The following XYLT1 variants were observed in gnomAD, a reference collection of about 807,000 sequenced individuals.
The protein encoded by XYLT1 is beta-D-xylosyltransferase 1.
Under a neutral mutation model 91.3 loss-of-function variants are expected in XYLT1, and 36 were observed. That is an observed-to-expected ratio of 0.39 (90% CI 0.30 to 0.52). The LOEUF (loss-of-function observed/expected upper bound fraction) is 0.52, where lower values mean the gene tolerates loss of function less well. XYLT1 is among the 20% of genes least tolerant of loss of function. XYLT1 has a pLI of 0.68. For missense variants in XYLT1, 1,242 were observed against 1,284.5 expected, an observed-to-expected ratio of 0.97 and a Z score of 0.51; for synonymous variants, 588 against 532.0, an observed-to-expected ratio of 1.11 and a Z score of -1.45.
rs1247088758 is a variant in XYLT1, at chr16:17,105,575, A to G, written c.*3120T>C. 2.6e-5 allele frequency: 4 copies of G among 152,132 alleles called. No homozygotes were observed. The highest frequency in any genetic ancestry group is 9.7e-5 in the African/African-American group (4 of 41,416). The allele number at this position is 152,132 out of a possible 1,614,324, so 9.4% of individuals were successfully genotyped here. A position where few individuals can be genotyped will look rare whatever the true frequency, so the allele number is the denominator to read the frequency against. ...GAAGGCTGGCTGTCTCCTGAGCTCA[A>G]TTTCTGCCTGAATGTCACTCGGTGG... On this transcript the variant is annotated 3_prime_UTR_variant, in exon 12 of 12. Coordinates refer to ENST00000261381, the MANE Select transcript of XYLT1 (RefSeq NM_022166.4).
intron 1 of XYLT1, among the ~76,000 whole-genome samples, chr16:17,384,572 T>C (rs1302708320): frequency 6.6e-6 from 1 of 151,936 alleles, no homozygotes; most frequent in Non-Finnish European, 1.5e-5. Flanking sequence ...ACTGGGTTCA[T>C]ACTTTGAATT....
chr16:17,375,553 C>G (rs1409376331), intron 1 of XYLT1, among the ~76,000 whole-genome samples: 1 of 150,952 alleles, frequency 6.6e-6, no homozygotes, highest in African/African-American at 2.4e-5. Flanking sequence ...CTGAGTCTTA[C>G]AGCCACCACA....
Position 17,108,825 on chromosome 16 carries a change from A to C in XYLT1, c.2750T>G (p.Met917Arg). Residue 917 changes from methionine to arginine, a missense_variant, in exon 12 of 12, where the codon ATG becomes AGG. Met to Arg is a moderately conservative substitution (Grantham distance 91). Coordinates refer to ENST00000261381, the MANE Select transcript of XYLT1 (RefSeq NM_022166.4). ...DSLVGGMWTAMDICATGPTAC... is the reference protein window; with the variant it reads ...DSLVGGMWTARDICATGPTAC... ...TGTGGGGCCCGTGGCACAGATGTCCATGGCAGTCCACATCCCGCCCACCAA... is the reference window on the plus strand; with the variant it reads ...TGTGGGGCCCGTGGCACAGATGTCCCTGGCAGTCCACATCCCGCCCACCAA... 1 of 1,612,844 alleles carries C rather than the reference A, an allele frequency of 6.2e-7. No homozygotes were observed. The highest frequency in any genetic ancestry group is 1.3e-5 in the African/African-American group (1 of 75,036).
chr16:17,327,677 T>C (rs146296720), intron 2 of XYLT1, among the ~76,000 whole-genome samples: 1 of 145,228 alleles, frequency 6.9e-6, no homozygotes, highest in Admixed American at 7.0e-5. Context: ...CCACCACGCC[T>C]GGCCAACAAC....
chr16:17,347,588 G>A (rs1046835852), intron 2 of XYLT1, among the ~76,000 whole-genome samples: 3 of 152,182 alleles, frequency 2.0e-5, no homozygotes, highest in African/African-American at 4.8e-5. Context: ...CCACCGTTGG[G>A]CATTCAGTTT....
At chr16:17,267,846 A>G (rs1337801507) in intron 2 of XYLT1, among the ~76,000 whole-genome samples, 1 of 152,182 alleles carries the variant, frequency 6.6e-6, no homozygotes, top group Non-Finnish European at 1.5e-5. Context: ...TAAAATGGGG[A>G]CAATAATGAG....
chr16:17,317,853 C>T (rs1279222188), intron 2 of XYLT1, among the ~76,000 whole-genome samples: 4 of 152,054 alleles, frequency 2.6e-5, no homozygotes, highest in Non-Finnish European at 4.4e-5. Context: ...GCCACCACGG[C>T]GAGCTCATTC....
At chr16:17,218,896 A>T (rs891343942) in intron 3 of XYLT1, among the ~76,000 whole-genome samples, 7 of 152,012 alleles carry the variant, frequency 4.6e-5, no homozygotes, top group Admixed American at 6.5e-5. Flanking sequence ...AATGCCTGTG[A>T]GTGTGCTATA....
intron 2 of XYLT1, among the ~76,000 whole-genome samples, chr16:17,280,088 T>G (rs1596463328): frequency 6.6e-6 from 1 of 152,326 alleles, no homozygotes; most frequent in Non-Finnish European, 1.5e-5. Context: ...TGGTGGCTCA[T>G]GCCTATAATC....
At chr16:17,241,955 T>G (rs1278040930) in intron 3 of XYLT1, among the ~76,000 whole-genome samples, 2 of 152,250 alleles carry the variant, frequency 1.3e-5, no homozygotes, top group African/African-American at 4.8e-5. Context: ...CTCACAAGTA[T>G]GGTAGAAGGT....
At chr16:17,159,795 A>C (rs907370493) in intron 5 of XYLT1, among the ~76,000 whole-genome samples, 1 of 152,222 alleles carries the variant, frequency 6.6e-6, no homozygotes, top group Non-Finnish European at 1.5e-5. Flanking sequence ...AATCACAGCT[A>C]ATCCGCTTGC....
At chr16:17,437,973 C>T (rs1478754500) in intron 1 of XYLT1, among the ~76,000 whole-genome samples, 1 of 152,076 alleles carries the variant, frequency 6.6e-6, no homozygotes, top group Non-Finnish European at 1.5e-5. Context: ...ACCAAAATTA[C>T]AAACTATCAG....
At chr16:17,138,059 T>TA (rs1487663692) in intron 8 of XYLT1, among the ~76,000 whole-genome samples, 1 of 151,964 alleles carries the variant, frequency 6.6e-6, no homozygotes, top group East Asian at 1.9e-4. Context: ...AGTATGGCCT[T>TA]TGGAAAGTTT....
intron 5 of XYLT1, among the ~76,000 whole-genome samples, chr16:17,179,094 T>G (rs1359325462): frequency 1.3e-5 from 2 of 150,050 alleles, no homozygotes; most frequent in African/African-American, 2.4e-5. Flanking sequence ...GTTTGTTGAA[T>G]GAACGGAGCT....
chr16:17,274,709 G>A (rs2033946256), intron 2 of XYLT1, among the ~76,000 whole-genome samples: 1 of 152,110 alleles, frequency 6.6e-6, no homozygotes. Flanking sequence ...TGAGAAGAAA[G>A]GAGCAAGACA....
intron 3 of XYLT1, among the ~76,000 whole-genome samples, chr16:17,222,688 G>T (rs2032990310): frequency 6.6e-6 from 1 of 151,598 alleles, no homozygotes; most frequent in African/African-American, 2.4e-5. Flanking sequence ...TACTTGGGAG[G>T]CTGAGGCATG....
chr16:17,392,960 G>A (rs534078691), intron 1 of XYLT1, among the ~76,000 whole-genome samples: 19 of 152,236 alleles, frequency 1.2e-4, no homozygotes, highest in East Asian at 3.9e-4. Flanking sequence ...ATGTGGGTTC[G>A]GTAAGAGTTA....
chr16:17,470,644 G>T lies in XYLT1; in HGVS notation c.153C>A (p.Val51=). The change falls in exon 1 of 12, where the codon GTC becomes GTA. Residue 51 remains valine (V), a synonymous_variant. Coordinates refer to ENST00000261381, the MANE Select transcript of XYLT1 (RefSeq NM_022166.4). ...GAGERRGGAA[V]GGGEQPPPAP... ...CCGGGGGCGGCTGCTCCCCGCCGCC[G>T]ACCGCTGCGCCCCCGCGGCGCTCCC... 2 of 1,112,544 alleles carry T rather than the reference G, an allele frequency of 1.8e-6. No homozygotes were observed. The highest frequency in any genetic ancestry group is 2.4e-5 in the South Asian group (1 of 41,864). 68.9% of individuals were successfully genotyped at this position (1,112,544 alleles called of 1,614,324 possible). A position where few individuals can be genotyped will look rare whatever the true frequency, so the allele number is the denominator to read the frequency against.
intron 1 of XYLT1, chr16:17,369,772 G>A (rs1390110510): frequency 2.0e-5 from 3 of 152,262 alleles, no homozygotes; most frequent in African/African-American, 7.2e-5. Flanking sequence ...CCGTGCAGAA[G>A]GCAGAACAGG....
Sources: allele counts gnomAD v4.1 joint callset (sites outside exome capture counted in the v4.1 genomes callset), GRCh38; gene constraint gnomAD v4.1.1; transcripts MANE v1.5; gene names NCBI Gene and HGNC (gene_info 2026-07-23, HGNC 2026-07-21).